Variants in DENND2B observed in about 807,000 individuals in gnomAD.
DENND2B encodes DENN domain containing 2B.
Under a neutral mutation model 116.0 loss-of-function variants are expected in DENND2B, and 32 were observed. The observed-to-expected ratio is 0.28, with a 90% confidence interval of 0.21 to 0.37. The LOEUF (loss-of-function observed/expected upper bound fraction) is 0.37. Ranked by LOEUF, DENND2B falls within the 10% of genes least tolerant of loss-of-function variation. The probability of loss-of-function intolerance (pLI) is 1.00; values close to 1 mark genes in which losing one functional copy is unlikely to be tolerated. For missense variants in DENND2B, 1,276 were observed against 1,477.7 expected (o/e 0.86, Z 2.24); for synonymous variants, 588 against 583.9 (o/e 1.01, Z -0.10).
intron 4 of DENND2B, among the ~76,000 whole-genome samples, chr11:8,820,736 G>C (rs776302380): frequency 6.6e-6 from 1 of 152,228 alleles, no homozygotes; most frequent in East Asian, 1.9e-4. Flanking sequence ...GAAGTACATA[G>C]AGCCCCACTA....
intron 4 of DENND2B, among the ~76,000 whole-genome samples, chr11:8,818,262 CTAATAATAATAATAATAA>C (rs58590869): frequency 1.4e-4 from 21 of 145,858 alleles, no homozygotes; most frequent in Non-Finnish European, 2.9e-4. Flanking sequence ...GACTCTGTCT[CTAATAATAATAATAATAA>C]TAATAGGCTT....
At chr11:8,775,575 G>A (rs2057513912) in intron 1 of DENND2B, among the ~76,000 whole-genome samples, 1 of 152,128 alleles carries the variant, frequency 6.6e-6, no homozygotes, top group South Asian at 2.1e-4. Flanking sequence ...ACTGGTTCCT[G>A]GCAGGGAGCA....
Position 8,708,422 on chromosome 11 carries a change from G to A in DENND2B, c.2353-568C>T, listed in dbSNP as rs1030067913. ...GACTCCTGGGCTTGGGACTTTACAA[G>A]AGATTTGTGAGAGAGGGATTATTAT... On this transcript the variant is annotated intron_variant, in intron 11 of 19. Transcript: ENST00000313726. The A allele has an allele frequency of 4.0e-6, 3 of 745,632 alleles. No individual in the cohort carries two copies. In the African/African-American group the frequency reaches 5.7e-5, roughly 14 times the overall value. 46.2% of individuals were successfully genotyped at this position (745,632 alleles called of 1,614,324 possible).
intron 2 of DENND2B, among the ~76,000 whole-genome samples, chr11:8,739,544 C>T (rs947350564): frequency 6.6e-6 from 1 of 152,258 alleles, no homozygotes; most frequent in African/African-American, 2.4e-5. Flanking sequence ...ATCAGACACC[C>T]AAGACTGCTC....
intron 3 of DENND2B, among the ~76,000 whole-genome samples, chr11:8,853,256 G>A (rs1356316192): frequency 2.0e-5 from 3 of 152,232 alleles, no homozygotes; most frequent in South Asian, 2.1e-4. Flanking sequence ...CCAGCTACTC[G>A]GGAGGCTGAG....
At chr11:8,780,089 T>C (rs550913880) in intron 1 of DENND2B, among the ~76,000 whole-genome samples, 1 of 152,206 alleles carries the variant, frequency 6.6e-6, no homozygotes, top group Non-Finnish European at 1.5e-5. Context: ...CTATGGTTCC[T>C]GGAAGCCAGG....
intron 2 of DENND2B, among the ~76,000 whole-genome samples, chr11:8,748,621 G>C (rs1200677843): frequency 6.6e-6 from 1 of 152,140 alleles, no homozygotes; most frequent in African/African-American, 2.4e-5. Context: ...AGGAAAGAAA[G>C]GGGGGAGGGA....
At chr11:8,903,212 C>T (rs1156676222) in intron 1 of DENND2B, among the ~76,000 whole-genome samples, 2 of 151,886 alleles carry the variant, frequency 1.3e-5, no homozygotes, top group Non-Finnish European at 2.9e-5. Context: ...CAGAGTTTCA[C>T]TCCAGCATAG....
rs978897122 is a variant in DENND2B, at chr11:8,707,285, C to T, written c.2431-60G>A. 2 of 1,562,154 alleles carry T rather than the reference C, an allele frequency of 1.3e-6. No homozygotes were observed. Among genetic ancestry groups the T allele is most frequent in the Non-Finnish European group, 1.7e-6 (2 of 1,151,264 alleles). On this transcript the variant is annotated intron_variant, in intron 12 of 19. Transcript: ENST00000313726. The surrounding 1 kb of genome is among the most constrained non-coding windows in gnomAD (Gnocchi z 4.8). ...TGTCAGGGCACTGCCCTTCCCCCTC[C>T]TGGCAGAGAAGAGGGCAGCCAAGCA... is the stretch of plus-strand genomic sequence containing the variant.
At chr11:8,902,196 C>T (rs761769210) in intron 1 of DENND2B, among the ~76,000 whole-genome samples, 48 of 151,810 alleles carry the variant, frequency 3.2e-4, no homozygotes, top group African/African-American at 7.3e-4. Context: ...TGTGGTGGCA[C>T]GCGCCTGTAA....
chr11:8,860,289 C>T (rs1422170885), intron 2 of DENND2B, among the ~76,000 whole-genome samples: 1 of 151,862 alleles, frequency 6.6e-6, no homozygotes, highest in Non-Finnish European at 1.5e-5. Context: ...ACTTAGAAAA[C>T]CCTAAAAGAT....
intron 3 of DENND2B, among the ~76,000 whole-genome samples, chr11:8,855,251 G>A (rs1324415562): frequency 6.6e-6 from 1 of 151,738 alleles, no homozygotes; most frequent in East Asian, 2.0e-4. Context: ...AACCTCAAAC[G>A]TGTAGTGTAC....
intron 1 of DENND2B, among the ~76,000 whole-genome samples, chr11:8,899,145 T>C (rs1345470248): frequency 1.3e-5 from 2 of 151,682 alleles, no homozygotes; most frequent in Non-Finnish European, 2.9e-5. Context: ...GATAGATCAA[T>C]AGAGATTATA....
In DENND2B at chr11:8,820,045, G is replaced by C. The variant is rs1168689224; in HGVS notation, c.-114-8710C>G. Reference sequence around the variant, plus strand: ...TAAATAAAAGTATATACAATACATGGTTACAGGAAAAAATCATAAAGGTAG... The same window carrying C: ...TAAATAAAAGTATATACAATACATGCTTACAGGAAAAAATCATAAAGGTAG... On this transcript the variant is annotated intron_variant, in intron 4 of 6. Coordinates refer to the DENND2B transcript ENST00000524757. Among the ~76,000 whole-genome samples the C allele has an allele frequency of 2.6e-5, 4 of 152,166 alleles. 1 individual carries two copies. Among genetic ancestry groups the C allele is most frequent in the African/African-American group, 7.2e-5 (3 of 41,438 alleles).
intron 1 of DENND2B, among the ~76,000 whole-genome samples, chr11:8,802,108 G>A (rs1301806532): frequency 6.6e-6 from 1 of 151,628 alleles, no homozygotes; most frequent in Non-Finnish European, 1.5e-5. Flanking sequence ...CAAGACCAGC[G>A]TGGCTAATAT....
chr11:8,829,039 G>C (rs375153981), intron 4 of DENND2B, among the ~76,000 whole-genome samples: 31 of 147,882 alleles, frequency 2.1e-4, no homozygotes, highest in African/African-American at 7.0e-4. Context: ...GTGTGTGTAT[G>C]GTGTGTTTGT....
At chr11:8,743,120 A>ATG (rs978331161) in intron 2 of DENND2B, among the ~76,000 whole-genome samples, 4 of 151,504 alleles carry the variant, frequency 2.6e-5, no homozygotes, top group Admixed American at 6.6e-5. Flanking sequence ...TTTATTGAGT[A>ATG]TGTGTGTGTG....
intron 1 of DENND2B, among the ~76,000 whole-genome samples, chr11:8,763,877 T>C (rs144493384): frequency 6.6e-6 from 1 of 152,068 alleles, no homozygotes; most frequent in Non-Finnish European, 1.5e-5. Flanking sequence ...GCAAGCAGGA[T>C]ACAGAGCTCA....
intron 1 of DENND2B, among the ~76,000 whole-genome samples, chr11:8,772,806 G>A (rs977701507): frequency 7.2e-5 from 11 of 152,116 alleles, no homozygotes; most frequent in African/African-American, 2.7e-4. Context: ...GTGGCAGGCA[G>A]CTGGGACAAC....
Sources: allele counts gnomAD v4.1 joint callset (sites outside exome capture counted in the v4.1 genomes callset), GRCh38; gene constraint gnomAD v4.1.1; non-coding constraint Gnocchi (gnomAD v3.1); transcripts MANE v1.5; gene names NCBI Gene and HGNC (gene_info 2026-07-23, HGNC 2026-07-21).